Variants in GALM observed in about 807,000 individuals in gnomAD.
GALM encodes the protein aldose 1-epimerase.
GALM carries 43 observed loss-of-function variants against 37.4 expected under a neutral mutation model. That is an observed-to-expected ratio of 1.15 (90% confidence interval 0.90 to 1.48). The LOEUF (loss-of-function observed/expected upper bound fraction) is 1.48. Among genes scored for constraint, GALM ranks in the 40% most tolerant of loss-of-function variants. The pLI, the probability that GALM is intolerant of heterozygous loss-of-function variation, is 0.00. For synonymous variants in GALM, 199 were observed against 170.6 expected (o/e 1.17, Z -1.30); for missense variants, 456 against 419.1 (o/e 1.09, Z -0.77).
chr2:38,733,811 G>A lies in GALM; in HGVS notation c.*246G>A, dbSNP rs147710433. The A allele has an allele frequency of 2.7e-3, 1,335 of 490,326 alleles. 13 individuals carry two copies. The highest frequency in any genetic ancestry group is 1.2e-3 in the East Asian group (28 of 23,960). 30.4% of individuals were successfully genotyped at this position (490,326 alleles called of 1,614,324 possible). On this transcript the variant is annotated 3_prime_UTR_variant, in exon 7 of 7. Transcript: ENST00000272252. ...GCAAGTGAACCCAACCAACAATGTC[G>A]TCATCTAAGCCCTGACCCTAGCCAG...
chr2:38,723,156 TC>T (rs545693352), intron 4 of GALM, among the ~76,000 whole-genome samples: 32 of 152,330 alleles, frequency 2.1e-4, no homozygotes, highest in Admixed American at 1.4e-3. Flanking sequence ...CTTTAGGACC[TC>T]ACTTTCCTTA....
intron 4 of GALM, among the ~76,000 whole-genome samples, chr2:38,726,289 G>A (rs1295349438): frequency 6.7e-6 from 1 of 149,484 alleles, no homozygotes; most frequent in Non-Finnish European, 1.5e-5. Flanking sequence ...TGCAGTGGCG[G>A]GATCTCGGCT....
intron 2 of GALM, among the ~76,000 whole-genome samples, chr2:38,678,038 C>G (rs1301470864): frequency 1.5e-5 from 2 of 134,194 alleles, no homozygotes; most frequent in Admixed American, 7.6e-5. Flanking sequence ...TTTTTTGAGG[C>G]AGAGTTTTGC....
chr2:38,702,579 T>A (rs1194842943), intron 4 of GALM, among the ~76,000 whole-genome samples: 1 of 152,104 alleles, frequency 6.6e-6, no homozygotes, highest in Admixed American at 6.6e-5. Flanking sequence ...AAACTGTAGA[T>A]TCTTTCTTGC....
intron 5 of GALM, 100 bp downstream of exon 5, chr2:38,729,797 A>T: frequency 1.0e-6 from 1 of 984,828 alleles, no homozygotes; most frequent in Non-Finnish European, 1.6e-6. Context: ...AGCATTTACT[A>T]TGCTACAAGT....
chr2:38,692,865 T>A (rs1665708791), intron 4 of GALM, among the ~76,000 whole-genome samples: 1 of 152,120 alleles, frequency 6.6e-6, no homozygotes, highest in Non-Finnish European at 1.5e-5. Context: ...CAGATAAAGA[T>A]GAACAAGCGT....
chr2:38,716,435 G>T (rs1437764257), intron 4 of GALM, among the ~76,000 whole-genome samples: 1 of 152,160 alleles, frequency 6.6e-6, no homozygotes, highest in Non-Finnish European at 1.5e-5. Flanking sequence ...TCAACATCAG[G>T]TCATGACGGT....
intron 4 of GALM, among the ~76,000 whole-genome samples, chr2:38,699,319 G>A (rs1665871376): frequency 6.6e-6 from 1 of 152,132 alleles, no homozygotes; most frequent in Non-Finnish European, 1.5e-5. Context: ...TTTGATACAT[G>A]TTTACAATGT....
intron 1 of GALM, 107 bp downstream of exon 1, chr2:38,666,458 C>T (rs1664940314): frequency 4.6e-6 from 4 of 861,730 alleles, no homozygotes; most frequent in Non-Finnish European, 7.1e-6. Flanking sequence ...GGGAAAGTCG[C>T]CTAGCTTGGG....
chr2:38,726,472 C>G (rs1246710508), intron 4 of GALM, among the ~76,000 whole-genome samples: 1 of 151,862 alleles, frequency 6.6e-6, no homozygotes, highest in East Asian at 2.0e-4. Flanking sequence ...GTGATCCGCC[C>G]GCCTCGGCCT....
chr2:38,681,203 T>A (rs1665385376), intron 2 of GALM, 77 bp from the exon 3 acceptor site: 1 of 1,109,364 alleles, frequency 9.0e-7, no homozygotes, highest in Non-Finnish European at 1.4e-6. Context: ...GTGAAATCAG[T>A]TGTCTTTAAA....
At chr2:38,679,009 C>T (rs563174403) in intron 2 of GALM, among the ~76,000 whole-genome samples, 19 of 152,064 alleles carry the variant, frequency 1.2e-4, no homozygotes, top group Admixed American at 3.9e-4. Flanking sequence ...TTTTTTGACA[C>T]GGAGTCTCAC....
intron 1 of GALM, among the ~76,000 whole-genome samples, chr2:38,671,639 A>C (rs955471035): frequency 2.0e-5 from 3 of 152,082 alleles, no homozygotes; most frequent in African/African-American, 7.2e-5. Context: ...GGTAGTATAA[A>C]ATTTATTTGT....
In GALM at chr2:38,675,922, A is replaced by G. The variant is rs1665248548; in HGVS notation, c.201A>G (p.Gln67=). 6.2e-7 allele frequency: 1 copy of G among 1,614,052 alleles called. No individual in the cohort carries two copies. Among genetic ancestry groups the G allele is most frequent in the Non-Finnish European group, 8.5e-7 (1 of 1,179,994 alleles). ...CCCTTGTCCTTGCAGGATACCTCCA[A>G]AAGCAGCCATACTTTGGAGCAGTTA... ...LGFAELEGYL[Q]KQPYFGAVIG... Residue 67 remains glutamine, a synonymous_variant, in exon 2 of 7, where the codon CAA becomes CAG. Transcript: ENST00000272252.
At chr2:38,692,675 G>C (rs1481774296) in intron 4 of GALM, among the ~76,000 whole-genome samples, 3 of 152,208 alleles carry the variant, frequency 2.0e-5, no homozygotes, top group Non-Finnish European at 4.4e-5. Flanking sequence ...CAGTCTATGG[G>C]AAGGGTCAGC....
chr2:38,725,468 C>T (rs1030744369), intron 4 of GALM, among the ~76,000 whole-genome samples: 6 of 151,790 alleles, frequency 4.0e-5, no homozygotes, highest in African/African-American at 9.6e-5. Context: ...CCTGGCAGGT[C>T]GAGGCTGCAT....
intron 6 of GALM, among the ~76,000 whole-genome samples, chr2:38,732,318 A>G (rs1381990658): frequency 6.6e-6 from 1 of 152,192 alleles, no homozygotes; most frequent in African/African-American, 2.4e-5. Flanking sequence ...TTGGCCTCCC[A>G]AAGTGCTAGG....
At chr2:38,732,770 A>G (rs1666631963) in intron 6 of GALM, among the ~76,000 whole-genome samples, 1 of 151,922 alleles carries the variant, frequency 6.6e-6, no homozygotes, top group Non-Finnish European at 1.5e-5. Context: ...TATTAGAAAA[A>G]TTAGCCAGGT....
In GALM at chr2:38,681,487, G is replaced by C; in HGVS notation, c.552+1G>C. On this transcript the variant is annotated splice_donor_variant, in intron 3 of 6. Transcript: ENST00000272252. LOFTEE classifies it high-confidence loss of function. ...TTCTTACTTCAACCTGGCAGGCCAG[G>C]TAAGTGAACTTGTTTCTTCTTTCCT... The C allele has an allele frequency of 3.1e-6, 5 of 1,612,620 alleles. No homozygotes were observed. The highest frequency in any genetic ancestry group is 4.2e-6 in the Non-Finnish European group (5 of 1,178,602).
Sources: gnomAD v4.1 joint callset for allele counts (sites outside exome capture counted in the v4.1 genomes callset) on GRCh38, gnomAD v4.1.1 for gene constraint, MANE v1.5 for transcripts, NCBI Gene and HGNC (gene_info 2026-07-23, HGNC 2026-07-21) for gene names.